Variants in DOK6 observed in about 807,000 individuals in gnomAD.
The protein encoded by DOK6 is docking protein 6.
In DOK6, 22 loss-of-function variants were observed where a neutral mutation model predicts 44.0. The observed-to-expected ratio is 0.50, with a 90% CI of 0.36 to 0.71. The LOEUF is 0.71. DOK6 is among the 30% of genes least tolerant of loss of function. The probability of loss-of-function intolerance (pLI) is 0.00; values close to 1 mark genes in which losing one functional copy is unlikely to be tolerated. For synonymous variants in DOK6, 166 were observed against 145.5 expected, an observed-to-expected ratio of 1.14 and a Z score of -1.01; for missense variants, 340 against 416.4, an observed-to-expected ratio of 0.82 and a Z score of 1.60.
chr18:69,706,680 C>G (rs1986643032), intron 5 of DOK6, among the ~76,000 whole-genome samples: 2 of 117,558 alleles, frequency 1.7e-5, no homozygotes, highest in South Asian at 3.8e-4. Context: ...CCCCCCCTCC[C>G]CCCTCCCCCC....
chr18:69,566,825 G>A (rs1982995313), intron 2 of DOK6, among the ~76,000 whole-genome samples: 2 of 152,182 alleles, frequency 1.3e-5, no homozygotes, highest in African/African-American at 4.8e-5. Context: ...ATATTTGAAT[G>A]GCCAAACTAG....
intron 1 of DOK6, among the ~76,000 whole-genome samples, chr18:69,516,346 A>G (rs139214055): frequency 1.1e-3 from 170 of 152,340 alleles, no homozygotes; most frequent in African/African-American, 3.8e-3. Context: ...TTTGAATAAA[A>G]TCCGATTATA....
chr18:69,549,008 T>A (rs776082769), intron 1 of DOK6, among the ~76,000 whole-genome samples: 2 of 149,130 alleles, frequency 1.3e-5, no homozygotes, highest in African/African-American at 4.9e-5. Flanking sequence ...GGCAGGAGAA[T>A]GGCGTGAACC....
chr18:69,694,432 A>G (rs1418105161), intron 4 of DOK6, among the ~76,000 whole-genome samples: 2 of 150,512 alleles, frequency 1.3e-5, no homozygotes, highest in East Asian at 3.9e-4. Context: ...CAATATTTAT[A>G]TTATAATAAA....
At chr18:69,504,369 C>A (rs1981127517) in intron 1 of DOK6, among the ~76,000 whole-genome samples, 1 of 151,770 alleles carries the variant, frequency 6.6e-6, no homozygotes, top group Non-Finnish European at 1.5e-5. Flanking sequence ...AAAAAAGCAC[C>A]AGCACTTTCC....
chr18:69,784,607 T>C (rs1342715849), intron 7 of DOK6, among the ~76,000 whole-genome samples: 1 of 152,128 alleles, frequency 6.6e-6, no homozygotes, highest in Non-Finnish European at 1.5e-5. Context: ...GTCATCACTT[T>C]ATGTTGGATT....
At chr18:69,613,009 T>C (rs1984199211) in intron 3 of DOK6, among the ~76,000 whole-genome samples, 1 of 151,936 alleles carries the variant, frequency 6.6e-6, no homozygotes, top group Admixed American at 6.6e-5. Flanking sequence ...AAGCTGGGAC[T>C]ACAGCTGTGT....
intron 7 of DOK6, among the ~76,000 whole-genome samples, chr18:69,837,511 G>A (rs2145137520): frequency 6.7e-6 from 1 of 149,212 alleles, no homozygotes; most frequent in African/African-American, 2.5e-5. Flanking sequence ...GGACAAATGT[G>A]AACCAATTAC....
chr18:69,766,542 T>C (rs1706697071), intron 7 of DOK6, among the ~76,000 whole-genome samples: 1 of 152,218 alleles, frequency 6.6e-6, no homozygotes, highest in African/African-American at 2.4e-5. Flanking sequence ...ACACGTATTA[T>C]ATACTGTATT....
intron 2 of DOK6, among the ~76,000 whole-genome samples, chr18:69,567,260 G>A (rs1983005971): frequency 6.6e-6 from 1 of 152,004 alleles, no homozygotes; most frequent in South Asian, 2.1e-4. Context: ...GTCTATCACT[G>A]ATCTTCACTT....
intron 1 of DOK6, among the ~76,000 whole-genome samples, chr18:69,554,519 A>G (rs1982641680): frequency 6.6e-6 from 1 of 152,200 alleles, no homozygotes; most frequent in African/African-American, 2.4e-5. Context: ...TAGTTCATGT[A>G]TTTCTTTGAT....
intron 1 of DOK6, among the ~76,000 whole-genome samples, chr18:69,420,255 C>T (rs1342281210): frequency 1.3e-5 from 2 of 151,806 alleles, no homozygotes; most frequent in Non-Finnish European, 2.9e-5. Context: ...TGATTTTTTT[C>T]AGTTACTATT....
At chr18:69,534,624 G>C (rs1266446877) in intron 1 of DOK6, among the ~76,000 whole-genome samples, 1 of 151,548 alleles carries the variant, frequency 6.6e-6, no homozygotes, top group African/African-American at 2.4e-5. Context: ...ATTCTCAGTG[G>C]TCCCTCACTC....
chr18:69,659,870 CAT>C (rs1985471970), intron 3 of DOK6: 3 of 110,662 alleles, frequency 2.7e-5, no homozygotes, highest in African/African-American at 6.6e-5. Flanking sequence ...ATATATAAAA[CAT>C]ATATGTATGT....
At chr18:69,534,468 TAC>T (rs1300428495) in intron 1 of DOK6, among the ~76,000 whole-genome samples, 1 of 152,180 alleles carries the variant, frequency 6.6e-6, no homozygotes, top group Non-Finnish European at 1.5e-5. Context: ...CCCAATGTAA[TAC>T]ACTTATTATT....
chr18:69,551,796 A>T (rs968247993), intron 1 of DOK6, among the ~76,000 whole-genome samples: 1 of 152,212 alleles, frequency 6.6e-6, no homozygotes. Context: ...TCTGATTTTA[A>T]TATATGTGTA....
chr18:69,473,498 C>T (rs1156968802), intron 1 of DOK6, among the ~76,000 whole-genome samples: 2 of 152,148 alleles, frequency 1.3e-5, no homozygotes, highest in African/African-American at 4.8e-5. Flanking sequence ...CCTGTTAACT[C>T]AGACTCACCT....
rs145381277 is a variant in DOK6, at chr18:69,714,411, T to G, written c.599+15818T>G. On this transcript the variant is annotated intron_variant, in intron 5 of 7. Coordinates refer to ENST00000382713, the MANE Select transcript of DOK6 (RefSeq NM_152721.6). The stretch of plus-strand genomic sequence containing the variant: ...CCTGCTTTGTCCTGGGCCTCCTGAT[T>G]CTTTCTGTCGGTGTTTCTATACTTA... Among the ~76,000 whole-genome samples, 1,391 of 152,280 alleles carry G rather than the reference T, an allele frequency of 9.1e-3. 19 individuals carry two copies. Among genetic ancestry groups the G allele is most frequent in the African/African-American group, 0.031 (1,278 of 41,552 alleles).
chr18:69,401,512 G>A lies in DOK6; in HGVS notation c.66+202G>A, dbSNP rs148639698. Among the ~76,000 whole-genome samples, 66 of 152,168 alleles carry A rather than the reference G, an allele frequency of 4.3e-4. 1 individual carries two copies. The highest frequency in any genetic ancestry group is 9.0e-4 in the Non-Finnish European group (61 of 67,974). On this transcript the variant is annotated intron_variant, in intron 1 of 7. Transcript: ENST00000382713. ...CCGCAGACGGACCTGGGGACTCCAG[G>A]AGCGCCTGAGTCCCCATCCTCGAGT...
Sources: gnomAD v4.1 joint callset for allele counts (sites outside exome capture counted in the v4.1 genomes callset) on GRCh38, gnomAD v4.1.1 for gene constraint, MANE v1.5 for transcripts, NCBI Gene and HGNC (gene_info 2026-07-23, HGNC 2026-07-21) for gene names.